ARL15: variants seen among roughly 807,000 people sequenced by gnomAD.
ARL15 encodes ARF like GTPase 15.
Under a neutral mutation model 25.2 loss-of-function variants are expected in ARL15, and 19 were observed. The ratio of observed to expected loss-of-function variants is 0.75; its 90% CI spans 0.53 to 1.10. The LOEUF is 1.10. ARL15 is among the 50% of genes least tolerant of loss of function. The probability of loss-of-function intolerance (pLI) is 0.00; values close to 1 mark genes in which losing one functional copy is unlikely to be tolerated. For synonymous variants in ARL15, 94 were observed against 86.8 expected (o/e 1.08, Z -0.46); for missense variants, 220 against 246.0 (o/e 0.89, Z 0.71).
At chr5:54,104,659 A>T (rs1337291082) in intron 4 of ARL15, among the ~76,000 whole-genome samples, 3 of 152,148 alleles carry the variant, frequency 2.0e-5, no homozygotes, top group Non-Finnish European at 4.4e-5. Flanking sequence ...CTTTTTTAAC[A>T]TATAAAAATT....
intron 3 of ARL15, among the ~76,000 whole-genome samples, chr5:54,150,232 G>T (rs1037403181): frequency 6.6e-6 from 1 of 152,146 alleles, no homozygotes; most frequent in Non-Finnish European, 1.5e-5. Context: ...AAGAATAAAC[G>T]AATAAAACAG....
At chr5:54,251,456 T>C (rs951468905) in intron 1 of ARL15, among the ~76,000 whole-genome samples, 8 of 152,206 alleles carry the variant, frequency 5.3e-5, no homozygotes, top group Admixed American at 6.5e-5. Context: ...GTTTGTAATA[T>C]GGTATTTCCA....
Position 54,194,227 on chromosome 5 carries a change from C to T in ARL15, c.49-22299G>A, listed in dbSNP as rs964685450. 2.0e-5 allele frequency among the ~76,000 whole-genome samples: 3 copies of T among 152,226 alleles called. No individual in the cohort carries two copies. In the East Asian group the frequency reaches 5.8e-4, roughly 29 times the overall value. On this transcript the variant is annotated intron_variant, in intron 1 of 4. Coordinates refer to ENST00000504924, the MANE Select transcript of ARL15 (RefSeq NM_019087.3). Reference sequence around the variant, plus strand: ...AAGCATTTTTAAAGCCAACAAAATACATGACATCAATTATTATCAGAGGCA... The same window carrying T: ...AAGCATTTTTAAAGCCAACAAAATATATGACATCAATTATTATCAGAGGCA...
intron 4 of ARL15, among the ~76,000 whole-genome samples, chr5:54,067,526 A>G (rs1280865738): frequency 6.6e-6 from 1 of 152,208 alleles, no homozygotes; most frequent in South Asian, 2.1e-4. Context: ...CAGAATAAAA[A>G]TATGTACAGG....
intron 1 of ARL15, among the ~76,000 whole-genome samples, chr5:54,226,418 C>G (rs908984223): frequency 1.3e-5 from 2 of 152,154 alleles, no homozygotes; most frequent in Non-Finnish European, 1.5e-5. Context: ...TTGAAGCTGG[C>G]TGATTAAAGG....
chr5:54,062,531 A>C (rs955962905), intron 4 of ARL15, among the ~76,000 whole-genome samples: 2 of 149,292 alleles, frequency 1.3e-5, no homozygotes, highest in Admixed American at 6.6e-5. Flanking sequence ...AAAAAAAAAA[A>C]AACAACAGAA....
chr5:53,886,984 G>T (rs940803215), intron 4 of ARL15, among the ~76,000 whole-genome samples: 1 of 152,142 alleles, frequency 6.6e-6, no homozygotes, highest in Non-Finnish European at 1.5e-5. Context: ...GTCTGATGAA[G>T]TCAGAGAAAA....
At chr5:53,952,824 A>G (rs574926919) in intron 4 of ARL15, among the ~76,000 whole-genome samples, 1 of 152,334 alleles carries the variant, frequency 6.6e-6, no homozygotes, top group African/African-American at 2.4e-5. Context: ...GAAAGTCTAT[A>G]AAAAGAAACT....
At chr5:54,146,027 T>C (rs963726407) in intron 3 of ARL15, among the ~76,000 whole-genome samples, 17 of 152,170 alleles carry the variant, frequency 1.1e-4, no homozygotes, top group Non-Finnish European at 2.4e-4. Context: ...CCTAACTGCA[T>C]CTTATACTCA....
chr5:54,130,773 G>A (rs757436621), intron 3 of ARL15, among the ~76,000 whole-genome samples: 2 of 152,088 alleles, frequency 1.3e-5, no homozygotes, highest in Non-Finnish European at 2.9e-5. Context: ...TAAAGAACCA[G>A]GGACACAGGT....
At chr5:54,137,167 G>T (rs908694738) in intron 3 of ARL15, among the ~76,000 whole-genome samples, 8 of 151,886 alleles carry the variant, frequency 5.3e-5, no homozygotes, top group African/African-American at 1.9e-4. Context: ...AACCAGCAAA[G>T]TGATATATTC....
At chr5:54,112,947 T>C (rs1300773142) in intron 4 of ARL15, among the ~76,000 whole-genome samples, 4 of 152,120 alleles carry the variant, frequency 2.6e-5, no homozygotes, top group African/African-American at 9.7e-5. Context: ...TCAAAATAGA[T>C]GAAAAATATA....
intron 1 of ARL15, among the ~76,000 whole-genome samples, chr5:54,306,054 C>T (rs528922480): frequency 1.1e-4 from 16 of 152,272 alleles, no homozygotes; most frequent in Non-Finnish European, 2.1e-4. Flanking sequence ...CTTAACCTGT[C>T]CTGCCACAGG....
chr5:54,162,650 G>C (rs953395195), intron 2 of ARL15, among the ~76,000 whole-genome samples: 1 of 152,060 alleles, frequency 6.6e-6, no homozygotes, highest in Non-Finnish European at 1.5e-5. Context: ...TTGGCTAACA[G>C]TTGTCCACCA....
In ARL15 at chr5:54,310,419, G is replaced by A; in HGVS notation, c.48+13C>T. 10 of 1,608,356 alleles carry A rather than the reference G, an allele frequency of 6.2e-6. No homozygotes were observed. The highest frequency in any genetic ancestry group is 8.5e-6 in the Non-Finnish European group (10 of 1,177,538). On this transcript the variant is annotated intron_variant, in intron 1 of 4. Coordinates refer to ENST00000504924, the MANE Select transcript of ARL15 (RefSeq NM_019087.3). ...ATCCGAGAGGCGACATGCCACCCCT[G>A]CCCTGCACCTACCAGATAATCCATG...
intron 1 of ARL15, among the ~76,000 whole-genome samples, chr5:54,290,309 T>C (rs945362122): frequency 2.0e-5 from 3 of 151,574 alleles, no homozygotes; most frequent in East Asian, 1.9e-4. Context: ...TCAACCTTTT[T>C]TTTTTTTTTT....
At chr5:54,088,250 A>C (rs1027215206) in intron 4 of ARL15, among the ~76,000 whole-genome samples, 1 of 152,230 alleles carries the variant, frequency 6.6e-6, no homozygotes, top group South Asian at 2.1e-4. Flanking sequence ...AGATATGTAT[A>C]AATTAAGATA....
intron 3 of ARL15, among the ~76,000 whole-genome samples, chr5:54,128,674 C>G (rs1038257714): frequency 6.6e-6 from 1 of 151,176 alleles, no homozygotes; most frequent in Non-Finnish European, 1.5e-5. Flanking sequence ...CTCTGAGCAA[C>G]ACAAGTATTT....
chr5:54,004,083 C>T (rs2111738793), intron 4 of ARL15, among the ~76,000 whole-genome samples: 1 of 152,344 alleles, frequency 6.6e-6, no homozygotes, highest in African/African-American at 2.4e-5. Flanking sequence ...TAACCAATTT[C>T]CTTGCCATCG....
Sources: gnomAD v4.1 joint callset for allele counts (sites outside exome capture counted in the v4.1 genomes callset) on GRCh38, gnomAD v4.1.1 for gene constraint, MANE v1.5 for transcripts, NCBI Gene and HGNC (gene_info 2026-07-23, HGNC 2026-07-21) for gene names.